The following HECW2 variants were observed in gnomAD, a reference collection of about 807,000 sequenced individuals.
The protein encoded by HECW2 is HECT, C2 and WW domain containing E3 ubiquitin protein ligase 2.
In HECW2, 61 loss-of-function variants were observed where a neutral mutation model predicts 175.2. The ratio of observed to expected loss-of-function variants is 0.35; its 90% CI spans 0.28 to 0.43. The LOEUF is 0.43. Ranked by LOEUF, HECW2 falls within the 20% of genes least tolerant of loss-of-function variation. The probability of loss-of-function intolerance (pLI) is 1.00; values close to 1 mark genes in which losing one functional copy is unlikely to be tolerated. For synonymous variants in HECW2, 671 were observed against 731.0 expected (o/e 0.92, Z 1.32); for missense variants, 1,524 against 2,000.5 (o/e 0.76, Z 4.54).
At chr2:196,289,828 G>A (rs1434455042) in intron 14 of HECW2, 1 of 152,184 alleles carries the variant, frequency 6.6e-6, no homozygotes, top group Non-Finnish European at 1.5e-5. Flanking sequence ...CCAAAGCAGA[G>A]TAGCCAAACA....
chr2:196,329,696 C>T (rs753412582), intron 4 of HECW2, 46 bp from the exon 5 acceptor site: 5 of 1,478,886 alleles, frequency 3.4e-6, no homozygotes, highest in Admixed American at 3.3e-5. Flanking sequence ...GCATATGATG[C>T]CACTGGATCT....
intron 2 of HECW2, among the ~76,000 whole-genome samples, chr2:196,389,228 T>C (rs1288978415): frequency 1.3e-5 from 2 of 152,182 alleles, no homozygotes; most frequent in Admixed American, 6.5e-5. Context: ...ATTTAGCACA[T>C]GAAATTAACT....
At chr2:196,272,041 A>T (rs1531107) in intron 16 of HECW2, among the ~76,000 whole-genome samples, 1,888 of 152,298 alleles carry the variant, frequency 0.012, 36 homozygotes, top group African/African-American at 0.043. Flanking sequence ...GCCTCACAGA[A>T]ATGACAAGTC....
intron 1 of HECW2, among the ~76,000 whole-genome samples, chr2:196,468,407 C>T (rs970674739): frequency 6.6e-6 from 1 of 152,200 alleles, no homozygotes; most frequent in African/African-American, 2.4e-5. Flanking sequence ...CACCCACCCA[C>T]CCCTACGCTT....
At chr2:196,337,834 G>C (rs1692609136) in intron 3 of HECW2, among the ~76,000 whole-genome samples, 1 of 152,190 alleles carries the variant, frequency 6.6e-6, no homozygotes. Flanking sequence ...GAAGAGAACA[G>C]AGGATGAGCG....
chr2:196,361,533 C>A (rs967886282), intron 2 of HECW2, among the ~76,000 whole-genome samples: 1 of 152,136 alleles, frequency 6.6e-6, no homozygotes, highest in Non-Finnish European at 1.5e-5. Flanking sequence ...CAACACAATC[C>A]ATTTAAAACA....
At chr2:196,244,812 G>A (rs1013488820) in intron 19 of HECW2, among the ~76,000 whole-genome samples, 2 of 152,206 alleles carry the variant, frequency 1.3e-5, no homozygotes, top group African/African-American at 2.4e-5. Flanking sequence ...GAGGAGGAGT[G>A]CTGGGAGTAA....
chr2:196,404,410 T>C (rs1575507078), intron 2 of HECW2, among the ~76,000 whole-genome samples: 1 of 152,238 alleles, frequency 6.6e-6, no homozygotes, highest in East Asian at 1.9e-4. Flanking sequence ...TGTTTTTATT[T>C]CCCAAAACCC....
intron 1 of HECW2, among the ~76,000 whole-genome samples, chr2:196,442,579 C>T (rs1696071784): frequency 6.6e-6 from 1 of 152,164 alleles, no homozygotes; most frequent in African/African-American, 2.4e-5. Context: ...AAAGTGTTTA[C>T]ATTATAGCAT....
At chr2:196,209,771 T>C (rs528813905) in intron 28 of HECW2, among the ~76,000 whole-genome samples, 169 of 150,812 alleles carry the variant, frequency 1.1e-3, no homozygotes, top group Admixed American at 8.5e-3. Flanking sequence ...CTTTCTTTTT[T>C]TTTTTTTTTT....
At chr2:196,408,761 GT>G (rs1410898373) in intron 2 of HECW2, among the ~76,000 whole-genome samples, 1 of 152,172 alleles carries the variant, frequency 6.6e-6, no homozygotes, top group African/African-American at 2.4e-5. Context: ...TTTATCACAT[GT>G]TAAGTCAAGA....
intron 4 of HECW2, chr2:196,331,060 G>T: frequency 1.4e-6 from 1 of 690,142 alleles, no homozygotes; most frequent in Non-Finnish European, 1.8e-6. Context: ...TTCAAATTTT[G>T]AAGTATAAAT....
rs368105663 is a variant in HECW2, at chr2:196,467,242, T to G, written c.-35-33784A>C. On this transcript the variant is annotated intron_variant, in intron 1 of 28. Transcript: ENST00000644978. ...AGCTATTCCCTTGGAACCCCAAATA[T>G]CTCTTCCAATACAAAATTACTTCCT... 3.3e-5 allele frequency among the ~76,000 whole-genome samples: 5 copies of G among 152,240 alleles called. No individual in the cohort carries two copies. The East Asian group carries it at 5.8e-4, about 18-fold the overall frequency.
At chr2:196,331,878 G>A (rs747207501) in intron 4 of HECW2, among the ~76,000 whole-genome samples, 2 of 152,136 alleles carry the variant, frequency 1.3e-5, no homozygotes, top group Non-Finnish European at 2.9e-5. Context: ...AATGTTTAGA[G>A]ACTAGCTTTA....
At chr2:196,420,340 T>C (rs1378697456) in intron 2 of HECW2, among the ~76,000 whole-genome samples, 4 of 152,196 alleles carry the variant, frequency 2.6e-5, no homozygotes, top group African/African-American at 7.2e-5. Flanking sequence ...TGGGAAACAA[T>C]TGACGGAAAA....
intron 3 of HECW2, among the ~76,000 whole-genome samples, chr2:196,338,544 A>C (rs1364403770): frequency 6.6e-6 from 1 of 152,192 alleles, no homozygotes; most frequent in African/African-American, 2.4e-5. Context: ...CTCTGCAAAA[A>C]GGTTCTACAA....
intron 2 of HECW2, among the ~76,000 whole-genome samples, chr2:196,417,218 A>T (rs534050242): frequency 4.1e-4 from 62 of 152,366 alleles, no homozygotes; most frequent in Non-Finnish European, 7.1e-4. Flanking sequence ...TATTTTAATG[A>T]TTCCAAATGA....
intron 4 of HECW2, 41 bp downstream of exon 4, chr2:196,334,383 G>T: frequency 7.0e-7 from 1 of 1,438,186 alleles, no homozygotes; most frequent in Non-Finnish European, 9.6e-7. Flanking sequence ...TCAAGACCCA[G>T]CATGGATCTC....
intron 14 of HECW2, among the ~76,000 whole-genome samples, chr2:196,285,355 G>T (rs576380092): frequency 1.3e-5 from 2 of 152,276 alleles, no homozygotes; most frequent in East Asian, 3.9e-4. Context: ...AAAAGTGCTT[G>T]TAACTATGCT....
Sources: allele counts gnomAD v4.1 joint callset (sites outside exome capture counted in the v4.1 genomes callset), GRCh38; gene constraint gnomAD v4.1.1; transcripts MANE v1.5; gene names NCBI Gene and HGNC (gene_info 2026-07-23, HGNC 2026-07-21).